SPICE1: variants seen among roughly 807,000 people sequenced by gnomAD.
SPICE1 encodes spindle and centriole associated protein 1, also known as spindle and centriole-associated protein 1.
In SPICE1, 75 loss-of-function variants were observed where a neutral mutation model predicts 102.7. That is an observed-to-expected ratio of 0.73 (90% CI 0.61 to 0.88). The LOEUF is 0.88. SPICE1 is among the 40% of genes least tolerant of loss of function. The pLI is 0.00. For missense variants in SPICE1, 979 were observed against 1,020.1 expected, an observed-to-expected ratio of 0.96 and a Z score of 0.55; for synonymous variants, 308 against 350.3, an observed-to-expected ratio of 0.88 and a Z score of 1.35.
chr3:113,514,824 G>A (rs1436886785), intron 1 of SPICE1, 73 bp downstream of exon 1: 1 of 1,255,058 alleles, frequency 8.0e-7, no homozygotes, highest in African/African-American at 1.5e-5. Context: ...TCCCGAAAGC[G>A]GTGCGCACGC....
rs141663986 is a variant in SPICE1, at chr3:113,472,948, C to T, written c.612-3710G>A. On this transcript the variant is annotated intron_variant, in intron 7 of 17. Coordinates refer to ENST00000295872, the MANE Select transcript of SPICE1 (RefSeq NM_144718.4). ...AAAGCTGGAAAGAAAATGACTTTGACGAGTTGAGAGAAGAAGGCTTCAGAC... is the reference window on the plus strand; with the variant it reads ...AAAGCTGGAAAGAAAATGACTTTGATGAGTTGAGAGAAGAAGGCTTCAGAC... Among the ~76,000 whole-genome samples, 89 of 152,278 alleles carry T rather than the reference C, an allele frequency of 5.8e-4. 1 individual carries two copies. The highest frequency in any genetic ancestry group is 1.8e-3 in the African/African-American group (75 of 41,546).
chr3:113,459,028 G>A (rs1935858676), intron 12 of SPICE1, among the ~76,000 whole-genome samples: 1 of 152,172 alleles, frequency 6.6e-6, no homozygotes, highest in Non-Finnish European at 1.5e-5. Flanking sequence ...CTGTGTCTGT[G>A]TAGAAAGAAG....
chr3:113,448,115 TA>T lies in SPICE1; in HGVS notation c.2348del (p.Val783AspfsTer23). The T allele has an allele frequency of 6.2e-7, 1 of 1,611,516 alleles. No individual in the cohort carries two copies. The highest frequency in any genetic ancestry group is 8.5e-7 in the Non-Finnish European group (1 of 1,178,690). On this transcript the variant is annotated frameshift_variant, in exon 16 of 18. Transcript: ENST00000295872. LOFTEE classifies it high-confidence loss of function. ...CTGGGGCTTCTGCTCCTGGAATAGA[TA>T]CCTCAATTGTCCTCTTTGCTCCTTC... The part of the protein sequence containing the change: ...WTEGAKRTIE[V>X]SIPGAEAPES...
intron 11 of SPICE1, among the ~76,000 whole-genome samples, chr3:113,464,983 G>A (rs1190713645): frequency 2.0e-5 from 3 of 151,986 alleles, no homozygotes; most frequent in African/African-American, 7.2e-5. Flanking sequence ...GTGTGCACCT[G>A]TAGTCCCAGC....
chr3:113,449,014 A>G (rs1382529601), intron 15 of SPICE1: 1 of 152,200 alleles, frequency 6.6e-6, no homozygotes, highest in East Asian at 1.9e-4. Flanking sequence ...ACCTCTTTGT[A>G]CCTCAGTTTA....
At chr3:113,447,725 G>A (rs1199959537) in intron 16 of SPICE1, among the ~76,000 whole-genome samples, 3 of 152,112 alleles carry the variant, frequency 2.0e-5, no homozygotes, top group African/African-American at 7.2e-5. Context: ...TTACTGTGAA[G>A]GAGGAAAATA....
chr3:113,509,771 G>A (rs1247713022), intron 1 of SPICE1, among the ~76,000 whole-genome samples: 2 of 152,208 alleles, frequency 1.3e-5, no homozygotes, highest in African/African-American at 2.4e-5. Context: ...CATGTGTCAT[G>A]AGAGGGACCC....
At chr3:113,512,332 C>G (rs1318328174) in intron 1 of SPICE1, among the ~76,000 whole-genome samples, 1 of 151,750 alleles carries the variant, frequency 6.6e-6, no homozygotes. Context: ...CCTGTATTTA[C>G]TAATCCTTAG....
chr3:113,491,647 A>AAAAAAAAAAC (rs1936771611), intron 6 of SPICE1, among the ~76,000 whole-genome samples: 1 of 150,274 alleles, frequency 6.7e-6, no homozygotes, highest in Non-Finnish European at 1.5e-5. Flanking sequence ...AAAAAAAAAA[A>AAAAAAAAAAC]AAGATTATCT....
intron 4 of SPICE1, among the ~76,000 whole-genome samples, chr3:113,497,879 C>A (rs575719831): frequency 1.1e-4 from 14 of 131,712 alleles, no homozygotes; most frequent in African/African-American, 3.6e-4. Flanking sequence ...ATCTTTAGGG[C>A]TTTTTTTTTT....
chr3:113,508,586 A>G (rs998757021), intron 1 of SPICE1, among the ~76,000 whole-genome samples: 24 of 152,200 alleles, frequency 1.6e-4, no homozygotes, highest in Admixed American at 1.6e-3. Context: ...TAGGATGGCT[A>G]TAATCAAAAA....
chr3:113,494,625 C>A (rs1008954018), intron 4 of SPICE1, among the ~76,000 whole-genome samples: 1 of 146,092 alleles, frequency 6.8e-6, no homozygotes, highest in Non-Finnish European at 1.5e-5. Flanking sequence ...CCAGCCTGGG[C>A]GACAGAGCGA....
intron 7 of SPICE1, 56 bp downstream of exon 7, chr3:113,488,889 G>T (rs1936702501): frequency 3.0e-6 from 3 of 1,010,852 alleles, no homozygotes; most frequent in South Asian, 3.1e-5. Context: ...GGCAAACATT[G>T]AAATGGCCAT....
At chr3:113,491,661 G>GCAACAC (rs1559972365) in intron 6 of SPICE1, among the ~76,000 whole-genome samples, 1 of 139,788 alleles carries the variant, frequency 7.2e-6, no homozygotes, top group Non-Finnish European at 1.5e-5. Flanking sequence ...ATTATCTATA[G>GCAACAC]CAACACCAAT....
At position 113,468,759 on chromosome 3, in the gene SPICE1, A is replaced by C; in HGVS notation, c.889+3T>G. Reference sequence around the variant, plus strand: ...TTCATCTTTGTAAATTAAGGGACTGAACCTTTATTTAACAGCTGTTTTTGC... The same window carrying C: ...TTCATCTTTGTAAATTAAGGGACTGCACCTTTATTTAACAGCTGTTTTTGC... On this transcript the variant is annotated splice_donor_region_variant and intron_variant, in intron 9 of 17. Coordinates refer to ENST00000295872, the MANE Select transcript of SPICE1 (RefSeq NM_144718.4). The C allele has an allele frequency of 1.9e-6, 3 of 1,611,304 alleles. No homozygotes were observed. The highest frequency in any genetic ancestry group is 2.5e-6 in the Non-Finnish European group (3 of 1,179,268).
intron 1 of SPICE1, 36 bp downstream of exon 1, chr3:113,514,861 G>T: frequency 8.2e-7 from 1 of 1,224,786 alleles, no homozygotes; most frequent in Non-Finnish European, 1.0e-6. Context: ...CTGGCGCCAC[G>T]CACAAACATA....
At chr3:113,463,138 G>T (rs572111804) in intron 11 of SPICE1, among the ~76,000 whole-genome samples, 38 of 152,216 alleles carry the variant, frequency 2.5e-4, no homozygotes, top group Non-Finnish European at 4.4e-4. Context: ...CACTTCCTCA[G>T]ACAGGCATGG....
chr3:113,455,160 G>T (rs536641774), intron 13 of SPICE1, among the ~76,000 whole-genome samples: 1 of 152,124 alleles, frequency 6.6e-6, no homozygotes, highest in African/African-American at 2.4e-5. Flanking sequence ...CCTTTCTCTG[G>T]GTTAAATTGA....
In SPICE1 at chr3:113,445,285, ACT is replaced by A; in HGVS notation, c.*20_*21del. On this transcript the variant is annotated 3_prime_UTR_variant, in exon 18 of 18. Transcript: ENST00000295872. ...GGAAGTAATAAATTATTAAGAACAA[ACT>A]CAGTGAGACTTGACTTCACTTATGA... 1 of 1,600,346 alleles carries A rather than the reference ACT, an allele frequency of 6.2e-7. No homozygotes were observed. The highest frequency in any genetic ancestry group is 8.5e-7 in the Non-Finnish European group (1 of 1,170,226).
Sources: allele counts gnomAD v4.1 joint callset (sites outside exome capture counted in the v4.1 genomes callset), GRCh38; gene constraint gnomAD v4.1.1; transcripts MANE v1.5; gene names NCBI Gene and HGNC (gene_info 2026-07-23, HGNC 2026-07-21).